PALLD: variants seen among roughly 807,000 people sequenced by gnomAD.
PALLD encodes palladin, cytoskeletal associated protein.
Under a neutral mutation model 123.5 loss-of-function variants are expected in PALLD, and 61 were observed. The observed-to-expected ratio is 0.49, with a 90% CI of 0.40 to 0.61. PALLD has a LOEUF of 0.61. Among genes scored for constraint, PALLD ranks in the 20% least tolerant of loss-of-function variants. The pLI, the probability that PALLD is intolerant of heterozygous loss-of-function variation, is 0.00. For synonymous variants in PALLD, 465 were observed against 496.4 expected, an observed-to-expected ratio of 0.94 and a Z score of 0.84; for missense variants, 1,273 against 1,377.0, an observed-to-expected ratio of 0.92 and a Z score of 1.20.
At chr4:168,519,311 TACTG>T (rs79347138) in intron 2 of PALLD, among the ~76,000 whole-genome samples, 13,079 of 152,168 alleles carry the variant, frequency 0.086, 806 homozygotes, top group Non-Finnish European at 0.12. Context: ...TAGTGAAAAA[TACTG>T]ACTTTCATGT....
intron 10 of PALLD, among the ~76,000 whole-genome samples, chr4:168,771,067 A>C (rs1561504914): frequency 1.5e-5 from 1 of 67,526 alleles, no homozygotes; most frequent in Non-Finnish European, 3.0e-5. Flanking sequence ...CATCTCAAAA[A>C]AAAAAAAACA....
chr4:168,915,520 T>C (rs753355124), intron 16 of PALLD, among the ~76,000 whole-genome samples: 11 of 152,234 alleles, frequency 7.2e-5, no homozygotes, highest in Non-Finnish European at 1.2e-4. Flanking sequence ...TTCCTACAAA[T>C]TTAAAAATCA....
chr4:168,533,580 G>A (rs973453640), intron 2 of PALLD, among the ~76,000 whole-genome samples: 10 of 152,172 alleles, frequency 6.6e-5, no homozygotes, highest in Non-Finnish European at 1.0e-4. Context: ...AAGTCCATAC[G>A]ATGTTTACGT....
chr4:168,518,496 C>A (rs1350196297), intron 2 of PALLD, among the ~76,000 whole-genome samples: 1 of 152,196 alleles, frequency 6.6e-6, no homozygotes, highest in African/African-American at 2.4e-5. Flanking sequence ...CCCCCAGTCA[C>A]AGTGGGGTTC....
intron 2 of PALLD, among the ~76,000 whole-genome samples, chr4:168,556,357 A>G (rs1767307180): frequency 6.6e-6 from 1 of 152,136 alleles, no homozygotes; most frequent in Non-Finnish European, 1.5e-5. Context: ...TGCCTCCCAA[A>G]GTGCTGGGAT....
chr4:168,532,872 A>G (rs558576614), intron 2 of PALLD, among the ~76,000 whole-genome samples: 1 of 152,252 alleles, frequency 6.6e-6, no homozygotes, highest in African/African-American at 2.4e-5. Context: ...AAATACAGGA[A>G]CCTTCTGATT....
chr4:168,915,873 C>T, intron 16 of PALLD, 22 bp from the exon 17 acceptor site: 2 of 1,599,914 alleles, frequency 1.3e-6, no homozygotes, highest in Non-Finnish European at 8.6e-7. Context: ...TTCTATCTAT[C>T]TGTCATCTTT....
At chr4:168,892,044 T>C (rs2151198677) in intron 11 of PALLD, among the ~76,000 whole-genome samples, 1 of 152,348 alleles carries the variant, frequency 6.6e-6, no homozygotes, top group South Asian at 2.1e-4. Context: ...TAAATAGATT[T>C]GGTAAAATAT....
At chr4:168,596,886 T>C (rs1190996058) in intron 2 of PALLD, among the ~76,000 whole-genome samples, 2 of 152,158 alleles carry the variant, frequency 1.3e-5, no homozygotes, top group African/African-American at 4.8e-5. Flanking sequence ...AGGTATTTGA[T>C]TGAGTCAATC....
intron 10 of PALLD, among the ~76,000 whole-genome samples, chr4:168,712,532 T>G (rs1299217991): frequency 6.6e-6 from 1 of 152,172 alleles, no homozygotes; most frequent in Admixed American, 6.5e-5. Flanking sequence ...ATTATTTTCT[T>G]AGGATGATAA....
intron 10 of PALLD, among the ~76,000 whole-genome samples, chr4:168,827,687 G>T (rs1743602870): frequency 6.6e-6 from 1 of 152,182 alleles, no homozygotes; most frequent in Admixed American, 6.5e-5. Context: ...GAAGAAACAG[G>T]CCATTCAGGC....
rs189506217 is a variant in PALLD at position 168,761,722 on chromosome 4, G to A, written c.1964+49799G>A. The stretch of plus-strand genomic sequence containing the variant: ...AGACGGGGTTTCACCATGTTTCCGC[G>A]GCTGATCTCAAACTCCTGGGCTCAA... On this transcript the variant is annotated intron_variant, in intron 10 of 21. Transcript: ENST00000505667. 3.0e-5 allele frequency among the ~76,000 whole-genome samples: 4 copies of A among 133,578 alleles called. No homozygotes were observed. The Admixed American group carries it at 3.7e-4, about 12-fold the overall frequency. 87.6% of individuals were successfully genotyped at this position (133,578 alleles called of 152,430 possible).
chr4:168,780,021 CCCGAG>C (rs1195372596), intron 10 of PALLD, among the ~76,000 whole-genome samples: 1 of 152,008 alleles, frequency 6.6e-6, no homozygotes, highest in African/African-American at 2.4e-5. Context: ...GCCTCAGCCT[CCCGAG>C]TAGCTGGGAT....
intron 10 of PALLD, among the ~76,000 whole-genome samples, chr4:168,806,210 T>A (rs13118222): frequency 0.9 from 137,062 of 152,012 alleles, 61,836 homozygotes; most frequent in East Asian, 0.92. Flanking sequence ...GATTACAGGC[T>A]TGTGCCACCA....
chr4:168,674,162 A>C (rs889149353), intron 3 of PALLD, among the ~76,000 whole-genome samples: 4 of 152,040 alleles, frequency 2.6e-5, no homozygotes, highest in Non-Finnish European at 5.9e-5. Flanking sequence ...TGATCCGCCC[A>C]CCTTGGCCTC....
intron 10 of PALLD, among the ~76,000 whole-genome samples, chr4:168,754,060 T>C (rs1731435062): frequency 6.6e-6 from 1 of 152,186 alleles, no homozygotes; most frequent in Non-Finnish European, 1.5e-5. Context: ...GATAACAAAT[T>C]CAGAGCTTTT....
chr4:168,898,980 G>A (rs868430196), intron 14 of PALLD, among the ~76,000 whole-genome samples: 1 of 152,212 alleles, frequency 6.6e-6, no homozygotes, highest in South Asian at 2.1e-4. Context: ...TTTATTCCTC[G>A]TTGTTATTCC....
At chr4:168,582,738 A>G (rs1395505556) in intron 2 of PALLD, among the ~76,000 whole-genome samples, 2 of 152,104 alleles carry the variant, frequency 1.3e-5, no homozygotes, top group East Asian at 1.9e-4. Flanking sequence ...ATTGATTTGC[A>G]TATGTTGAAT....
chr4:168,905,790 C>CTTTTTTTTTTTTTTTTT (rs59427697), intron 15 of PALLD, among the ~76,000 whole-genome samples: 3 of 113,096 alleles, frequency 2.7e-5, no homozygotes, highest in Non-Finnish European at 5.2e-5. Context: ...GCTTTTTTTT[C>CTTTTTTTTTTTTTTTTT]TTTTTTTTTT....
Sources: gnomAD v4.1 joint callset for allele counts (sites outside exome capture counted in the v4.1 genomes callset) on GRCh38, gnomAD v4.1.1 for gene constraint, MANE v1.5 for transcripts, NCBI Gene and HGNC (gene_info 2026-07-23, HGNC 2026-07-21) for gene names.